MBNL3: variants seen among roughly 807,000 people sequenced by gnomAD.
The protein encoded by MBNL3 is muscleblind like splicing regulator 3, also known as muscleblind-like protein 3.
Under a neutral mutation model 24.5 loss-of-function variants are expected in MBNL3, and 6 were observed. That is an observed-to-expected ratio of 0.25 (90% confidence interval 0.13 to 0.48). The LOEUF (loss-of-function observed/expected upper bound fraction) is 0.48, where lower values mean the gene tolerates loss of function less well. MBNL3 is among the 20% of genes least tolerant of loss of function. The pLI is 0.99. For synonymous variants in MBNL3, 100 were observed against 101.7 expected (o/e 0.98, Z 0.10); for missense variants, 230 against 293.5 (o/e 0.78, Z 1.58).
intron 2 of MBNL3, among the ~76,000 whole-genome samples, chrX:132,435,552 T>C (rs1945072080): frequency 8.9e-6 from 1 of 112,063 alleles, no homozygotes; most frequent in African/African-American, 3.2e-5. Context: ...CTAGTGTTGC[T>C]ATTGCAGAAT....
rs191898008 is a variant in MBNL3, at chrX:132,483,993, A to T, written c.-704+4858T>A. Reference sequence around the variant, plus strand: ...TCACAGTATTTCTGATTTTTTTTTTAAATTTTTAATCTGGTGAAACAGTTA... The same window carrying T: ...TCACAGTATTTCTGATTTTTTTTTTTAATTTTTAATCTGGTGAAACAGTTA... On this transcript the variant is annotated intron_variant, in intron 1 of 8. Coordinates refer to ENST00000370853, the MANE Select transcript of MBNL3 (RefSeq NM_001386889.1). Among the ~76,000 whole-genome samples, 478 of 111,474 alleles carry T rather than the reference A, an allele frequency of 4.3e-3. 4 individuals are homozygous for T. The highest frequency in any genetic ancestry group is 0.014 in the African/African-American group (424 of 30,686).
At chrX:132,489,337 G>A (rs1362034693), upstream of MBNL3, among the ~76,000 whole-genome samples, 7 of 112,165 alleles carry the variant, frequency 6.2e-5, no homozygotes, top group African/African-American at 9.7e-5. Context: ...GGGAGGAGGG[G>A]ACAAGGCCAC....
chrX:132,489,980 T>A (rs945118190), upstream of MBNL3: 1 of 112,227 alleles, frequency 8.9e-6, no homozygotes, highest in Non-Finnish European at 1.9e-5. Flanking sequence ...TTTCTTCCTG[T>A]AGGGCGCTGT....
intron 1 of MBNL3, among the ~76,000 whole-genome samples, chrX:132,469,685 G>T (rs2148515415): frequency 8.9e-6 from 1 of 112,208 alleles, no homozygotes; most frequent in South Asian, 3.7e-4. Context: ...ATCTAAGTCA[G>T]TACAATTCTT....
intron 8 of MBNL3, among the ~76,000 whole-genome samples, chrX:132,380,055 TC>T (rs1032372690): frequency 1.8e-5 from 2 of 112,559 alleles, no homozygotes; most frequent in African/African-American, 6.4e-5. Context: ...AAATACACTT[TC>T]AACTTTTTCT....
chrX:132,487,993 T>TA (rs969242238), intron 1 of MBNL3, among the ~76,000 whole-genome samples: 2 of 112,036 alleles, frequency 1.8e-5, no homozygotes, highest in Non-Finnish European at 3.8e-5. Flanking sequence ...GTCCGCTTAA[T>TA]AAAAAAAGTA....
intron 2 of MBNL3, among the ~76,000 whole-genome samples, chrX:132,420,889 TAAC>T (rs201219736): frequency 0.049 from 5,483 of 111,610 alleles, 337 homozygotes; most frequent in African/African-American, 0.17. Flanking sequence ...GGGAAAATAA[TAAC>T]AACAACACTG....
intron 2 of MBNL3, among the ~76,000 whole-genome samples, chrX:132,434,245 T>C (rs1282666150): frequency 1.8e-5 from 2 of 112,172 alleles, no homozygotes; most frequent in Non-Finnish European, 3.8e-5. Context: ...CTCTCCAGTG[T>C]TCTGTCTTTC....
chrX:132,481,441 TAGAATATATATTC>T (rs1206631845), intron 1 of MBNL3, among the ~76,000 whole-genome samples: 3 of 112,246 alleles, frequency 2.7e-5, no homozygotes, highest in Non-Finnish European at 5.6e-5. Context: ...CCTGTTAATT[TAGAATATATATTC>T]AGAACCACAA....
chrX:132,469,240 G>C, intron 1 of MBNL3, among the ~76,000 whole-genome samples: 1 of 112,696 alleles, frequency 8.9e-6, no homozygotes, highest in Middle Eastern at 4.6e-3. Flanking sequence ...ACAGTGTAGT[G>C]TAACTCCTGC....
chrX:132,461,493 G>C lies in MBNL3; in HGVS notation c.-703-21179C>G, dbSNP rs906281421. Among the ~76,000 whole-genome samples the C allele has an allele frequency of 6.3e-5, 7 of 110,808 alleles. No homozygotes were observed. The Admixed American group carries it at 6.8e-4, about 11-fold the overall frequency. ...TTCTAGGTACATAGCACTGCATTTG[G>C]CTTTTGGGTGACACAAAATGCATAC... is the stretch of plus-strand genomic sequence containing the variant. On this transcript the variant is annotated intron_variant, in intron 1 of 8. Coordinates refer to ENST00000370853, the MANE Select transcript of MBNL3 (RefSeq NM_001386889.1).
chrX:132,406,059 T>C (rs1324102398), intron 3 of MBNL3, among the ~76,000 whole-genome samples, 169 bp downstream of exon 3: 1 of 111,237 alleles, frequency 9.0e-6, no homozygotes. Flanking sequence ...GCAGCCAGGT[T>C]TTCAGTGCAA....
intron 1 of MBNL3, among the ~76,000 whole-genome samples, chrX:132,481,804 C>T (rs1947753969): frequency 1.8e-5 from 2 of 111,304 alleles, no homozygotes; most frequent in Admixed American, 1.9e-4. Context: ...AAAGCAAAAG[C>T]ATTCTGCCCT....
intron 2 of MBNL3, among the ~76,000 whole-genome samples, chrX:132,435,616 C>A (rs759967885): frequency 1.8e-5 from 2 of 111,972 alleles, no homozygotes; most frequent in Non-Finnish European, 3.8e-5. Flanking sequence ...TATCGATATG[C>A]TTATAATATT....
Position 132,418,898 on chromosome X carries a change from C to T in MBNL3, c.178-12506G>A, listed in dbSNP as rs1393832625. Among the ~76,000 whole-genome samples the T allele has an allele frequency of 2.7e-5, 3 of 112,114 alleles. No homozygotes were observed. In the Admixed American group the frequency reaches 2.8e-4, roughly 11 times the overall value. ...AGGTAATCCTCCCACCTCAGCGTCC[C>T]GAGTAGCTGGGACTACAGGTGCACA... On this transcript the variant is annotated intron_variant, in intron 2 of 8. Transcript: ENST00000370853.
chrX:132,442,090 G>A (rs950021574), intron 1 of MBNL3, among the ~76,000 whole-genome samples: 2 of 111,531 alleles, frequency 1.8e-5, no homozygotes, highest in Non-Finnish European at 3.8e-5. Flanking sequence ...CCAGGGGATG[G>A]GAAGAGGGGA....
At chrX:132,432,457 T>C (rs2148417822) in intron 2 of MBNL3, 1 of 110,926 alleles carries the variant, frequency 9.0e-6, no homozygotes, top group East Asian at 2.8e-4. Flanking sequence ...TACCCATTAG[T>C]AGTTAATTCC....
intron 2 of MBNL3, among the ~76,000 whole-genome samples, chrX:132,429,395 G>A (rs1317330190): frequency 1.8e-5 from 2 of 111,676 alleles, no homozygotes; most frequent in African/African-American, 3.3e-5. Context: ...TCAACAATGC[G>A]GTGTTTGGGG....
chrX:132,466,188 CTTAGACA>C (rs1946874242), intron 1 of MBNL3, among the ~76,000 whole-genome samples: 1 of 112,336 alleles, frequency 8.9e-6, no homozygotes, highest in African/African-American at 3.2e-5. Flanking sequence ...GTTGTTCCCC[CTTAGACA>C]TAAGACAGTG....
Sources: allele counts gnomAD v4.1 joint callset (sites outside exome capture counted in the v4.1 genomes callset), GRCh38; gene constraint gnomAD v4.1.1; transcripts MANE v1.5; gene names NCBI Gene and HGNC (gene_info 2026-07-23, HGNC 2026-07-21).